MLLT3: variants seen among roughly 807,000 people sequenced by gnomAD.
MLLT3 encodes the protein protein AF-9.
A neutral mutation model predicts 53.2 loss-of-function variants in MLLT3; 4 were observed. The observed-to-expected ratio is 0.08, with a 90% confidence interval of 0.04 to 0.17. The LOEUF is 0.17. Ranked by LOEUF, MLLT3 falls within the 10% of genes least tolerant of loss-of-function variation. The pLI is 1.00. For synonymous variants in MLLT3, 283 were observed against 230.6 expected (o/e 1.23, Z -2.06); for missense variants, 569 against 684.0 (o/e 0.83, Z 1.87).
intron 2 of MLLT3, among the ~76,000 whole-genome samples, chr9:20,524,993 C>A (rs952900458): frequency 8.6e-5 from 13 of 151,786 alleles, no homozygotes; most frequent in African/African-American, 2.4e-4. Flanking sequence ...AGGAAGGCAC[C>A]TAGTAGCTTG....
In MLLT3 at chr9:20,414,834, T is replaced by C. The variant is rs61618733; in HGVS notation, c.421-409A>G. ...GGAACTATTAATTCTGTTGGGAGCA[T>C]GGGGCGAAGAATAATTCAAAAATTC... On this transcript the variant is annotated intron_variant, in intron 4 of 10. Coordinates refer to ENST00000380338, the MANE Select transcript of MLLT3 (RefSeq NM_004529.4). Among the ~76,000 whole-genome samples the C allele has an allele frequency of 8.4e-3, 1,283 of 152,256 alleles. 9 individuals carry two copies. The highest frequency in any genetic ancestry group is 0.027 in the African/African-American group (1,118 of 41,552).
intron 4 of MLLT3, among the ~76,000 whole-genome samples, 158 bp downstream of exon 4, chr9:20,447,965 A>G (rs1823745512): frequency 6.6e-6 from 1 of 152,132 alleles, no homozygotes; most frequent in African/African-American, 2.4e-5. Context: ...GTTCATCTCA[A>G]CACATGAATC....
chr9:20,409,370 A>T, intron 5 of MLLT3, among the ~76,000 whole-genome samples: 1 of 152,244 alleles, frequency 6.6e-6, no homozygotes, highest in East Asian at 1.9e-4. Flanking sequence ...AATTATATGA[A>T]AAACAAAAAC....
At chr9:20,442,434 G>A (rs1368044576) in intron 4 of MLLT3, among the ~76,000 whole-genome samples, 2 of 152,158 alleles carry the variant, frequency 1.3e-5, no homozygotes, top group Non-Finnish European at 2.9e-5. Context: ...AGTATTACTG[G>A]TGTCCTAGAG....
chr9:20,529,369 C>T (rs1375348250), intron 2 of MLLT3, among the ~76,000 whole-genome samples: 3 of 152,170 alleles, frequency 2.0e-5, no homozygotes, highest in African/African-American at 7.2e-5. Flanking sequence ...TTAAAAATCA[C>T]GTTTGTAACT....
intron 2 of MLLT3, among the ~76,000 whole-genome samples, chr9:20,475,802 G>A (rs956235444): frequency 3.9e-5 from 6 of 152,050 alleles, no homozygotes; most frequent in Non-Finnish European, 8.8e-5. Flanking sequence ...ACACACCAAA[G>A]TTGAGTCCTC....
chr9:20,526,548 T>C (rs529197767), intron 2 of MLLT3, among the ~76,000 whole-genome samples: 46 of 152,316 alleles, frequency 3.0e-4, no homozygotes, highest in African/African-American at 1.1e-3. Flanking sequence ...TAGTTCATAT[T>C]CACTAATGTA....
intron 2 of MLLT3, among the ~76,000 whole-genome samples, chr9:20,588,397 A>C (rs1232851903): frequency 2.6e-5 from 4 of 151,876 alleles, no homozygotes; most frequent in African/African-American, 7.2e-5. Context: ...TGGTAGCTTG[A>C]TGGGGATGGC....
chr9:20,412,047 T>A (rs914585052), intron 5 of MLLT3: 1 of 152,212 alleles, frequency 6.6e-6, no homozygotes, highest in Non-Finnish European at 1.5e-5. Context: ...ACGTTAAATT[T>A]ATTTCACAGC....
chr9:20,621,899 C>T lies in MLLT3; in HGVS notation c.12+346G>A, dbSNP rs1194012453. 1 of 1,356,342 alleles carries T rather than the reference C, an allele frequency of 7.4e-7. No homozygotes were observed. Among genetic ancestry groups the T allele is most frequent in the African/African-American group, 1.6e-5 (1 of 63,008 alleles). 84.0% of individuals were successfully genotyped at this position (1,356,342 alleles called of 1,614,324 possible). A position where few individuals can be genotyped will look rare whatever the true frequency, so the allele number is the denominator to read the frequency against. ...GGCTGAGTTATTATTCGCCTCCTTC[C>T]ACCGTGTGTGTGTGTGTGTGTGAGT... On this transcript the variant is annotated intron_variant, in intron 1 of 10. Coordinates refer to ENST00000380338, the MANE Select transcript of MLLT3 (RefSeq NM_004529.4). The surrounding 1 kb of genome is among the most constrained non-coding windows in gnomAD (Gnocchi z 7.0).
chr9:20,472,765 C>A (rs1023273498), intron 2 of MLLT3, among the ~76,000 whole-genome samples: 5 of 152,002 alleles, frequency 3.3e-5, no homozygotes, highest in African/African-American at 1.2e-4. Context: ...AACTTCTAAA[C>A]CATATCCTTT....
chr9:20,459,404 T>C (rs1824052506), intron 2 of MLLT3, among the ~76,000 whole-genome samples: 1 of 152,178 alleles, frequency 6.6e-6, no homozygotes, highest in Non-Finnish European at 1.5e-5. Context: ...TGGAGACAAG[T>C]GAGAGAGTCT....
intron 2 of MLLT3, among the ~76,000 whole-genome samples, chr9:20,557,320 G>C (rs1341406122): frequency 6.6e-6 from 1 of 152,082 alleles, no homozygotes; most frequent in Non-Finnish European, 1.5e-5. Context: ...TTCAAAATCT[G>C]CCTCTACAAT....
At chr9:20,407,915 C>A (rs1822625737) in intron 5 of MLLT3, among the ~76,000 whole-genome samples, 1 of 152,094 alleles carries the variant, frequency 6.6e-6, no homozygotes, top group Non-Finnish European at 1.5e-5. Flanking sequence ...GCTAGTCTTG[C>A]AAAGCCCATG....
chr9:20,455,067 A>G (rs1823925545), intron 3 of MLLT3, among the ~76,000 whole-genome samples: 1 of 152,236 alleles, frequency 6.6e-6, no homozygotes. Context: ...AAAGAAAGCC[A>G]AAAACCATTT....
At chr9:20,483,245 T>TATTATTA (rs557112377) in intron 2 of MLLT3, among the ~76,000 whole-genome samples, 1 of 150,726 alleles carries the variant, frequency 6.6e-6, no homozygotes, top group African/African-American at 2.4e-5. Flanking sequence ...ATTATTATTT[T>TATTATTA]TTTTTTTGAG....
At chr9:20,500,431 A>T (rs1160699556) in intron 2 of MLLT3, among the ~76,000 whole-genome samples, 1 of 152,224 alleles carries the variant, frequency 6.6e-6, no homozygotes, top group Non-Finnish European at 1.5e-5. Flanking sequence ...TATTGGCTGA[A>T]ACAGGCACAA....
intron 4 of MLLT3, among the ~76,000 whole-genome samples, chr9:20,415,245 A>T (rs1032995238): frequency 6.6e-6 from 1 of 152,204 alleles, no homozygotes; most frequent in African/African-American, 2.4e-5. Flanking sequence ...TAATAGAACA[A>T]AGATTTCACC....
At chr9:20,364,802 G>T (rs1411751066) in intron 6 of MLLT3, among the ~76,000 whole-genome samples, 1 of 152,132 alleles carries the variant, frequency 6.6e-6, no homozygotes, top group Non-Finnish European at 1.5e-5. Context: ...TCAATACTAT[G>T]CTAAAACACA....
Sources: gnomAD v4.1 joint callset for allele counts (sites outside exome capture counted in the v4.1 genomes callset) on GRCh38, gnomAD v4.1.1 for gene constraint, Gnocchi (gnomAD v3.1) non-coding constraint, MANE v1.5 for transcripts, NCBI Gene and HGNC (gene_info 2026-07-23, HGNC 2026-07-21) for gene names.